Variants in PRKG1 observed in about 807,000 individuals in gnomAD.
PRKG1 encodes the protein protein kinase cGMP-dependent 1.
A neutral mutation model predicts 88.1 loss-of-function variants in PRKG1; 35 were observed. The observed-to-expected ratio is 0.40, with a 90% CI of 0.30 to 0.53. The LOEUF is 0.53. Among genes scored for constraint, PRKG1 ranks in the 20% least tolerant of loss-of-function variants. The probability of loss-of-function intolerance (pLI) is 0.59; values close to 1 mark genes in which losing one functional copy is unlikely to be tolerated. For missense variants in PRKG1, 540 were observed against 839.8 expected (o/e 0.64, Z 4.41); for synonymous variants, 303 against 292.5 (o/e 1.04, Z -0.37).
chr10:51,502,651 G>A (rs1471520943), intron 3 of PRKG1, among the ~76,000 whole-genome samples: 1 of 152,106 alleles, frequency 6.6e-6, no homozygotes, highest in Non-Finnish European at 1.5e-5. Context: ...TCTGTGAAAT[G>A]GGGATAATGA....
At chr10:51,327,330 T>C (rs1314174082) in intron 2 of PRKG1, among the ~76,000 whole-genome samples, 1 of 151,500 alleles carries the variant, frequency 6.6e-6, no homozygotes, top group Non-Finnish European at 1.5e-5. Context: ...GATAGGAGGA[T>C]TGCTTGAACT....
intron 3 of PRKG1, among the ~76,000 whole-genome samples, chr10:51,505,007 T>C (rs904732390): frequency 1.8e-4 from 28 of 152,206 alleles, no homozygotes; most frequent in Admixed American, 1.8e-3. Context: ...TCCAACACTA[T>C]GTTGAATAGG....
Position 51,858,220 on chromosome 10 carries a change from CAT to C in PRKG1, c.699-49279_699-49278del, listed in dbSNP as rs1262056850. 1.4e-4 allele frequency among the ~76,000 whole-genome samples: 2 copies of C among 14,228 alleles called. 1 individual carries two copies. The highest frequency in any genetic ancestry group is 1.5e-3 in the East Asian group (2 of 1,334). 9.3% of individuals were successfully genotyped at this position (14,228 alleles called of 152,430 possible). On this transcript the variant is annotated intron_variant, in intron 4 of 17. Transcript: ENST00000373980. ...ATATATTATATATATACATATTATA[CAT>C]ATATATAATATATATTATATATAAT...
chr10:52,232,888 T>C (rs142763024), intron 9 of PRKG1, among the ~76,000 whole-genome samples: 1 of 152,302 alleles, frequency 6.6e-6, no homozygotes, highest in East Asian at 1.9e-4. Context: ...TCCCTGTGAA[T>C]CTGCAAGTTC....
chr10:52,173,083 A>G (rs1838754522), intron 9 of PRKG1, among the ~76,000 whole-genome samples: 3 of 152,256 alleles, frequency 2.0e-5, no homozygotes, highest in Admixed American at 1.3e-4. Context: ...TTCTAAATTT[A>G]TAATGAGGAT....
At chr10:51,683,586 A>G (rs1840905878) in intron 3 of PRKG1, among the ~76,000 whole-genome samples, 1 of 152,144 alleles carries the variant, frequency 6.6e-6, no homozygotes, top group East Asian at 1.9e-4. Flanking sequence ...AGCATAGGGT[A>G]ATGAGATGTG....
intron 5 of PRKG1, among the ~76,000 whole-genome samples, chr10:51,976,236 A>C (rs748476049): frequency 5.3e-5 from 8 of 152,034 alleles, no homozygotes; most frequent in Non-Finnish European, 1.0e-4. Flanking sequence ...GATTTACCAT[A>C]TGACCCCATA....
At chr10:51,526,372 T>C (rs934041075) in intron 3 of PRKG1, among the ~76,000 whole-genome samples, 7 of 152,206 alleles carry the variant, frequency 4.6e-5, no homozygotes, top group East Asian at 3.8e-4. Context: ...AAAGTGATCA[T>C]GGTATTTGCC....
intron 3 of PRKG1, among the ~76,000 whole-genome samples, chr10:51,720,655 A>G (rs1178552376): frequency 6.6e-6 from 1 of 152,222 alleles, no homozygotes; most frequent in Non-Finnish European, 1.5e-5. Flanking sequence ...CAACTGGGAA[A>G]GCCAGGACAC....
At chr10:52,290,320 T>C (rs760086922) in intron 17 of PRKG1, 30 bp downstream of exon 17, 4 of 1,519,606 alleles carry the variant, frequency 2.6e-6, no homozygotes, top group South Asian at 2.3e-5. Context: ...TATAATTGTG[T>C]GACATAATTG....
At chr10:51,500,108 G>A (rs148464580) in intron 3 of PRKG1, among the ~76,000 whole-genome samples, 1 of 152,098 alleles carries the variant, frequency 6.6e-6, no homozygotes, top group Admixed American at 6.6e-5. Context: ...GTTCATGAAA[G>A]TGTTTTTTAT....
chr10:52,012,628 T>C (rs1844921757), intron 5 of PRKG1, among the ~76,000 whole-genome samples: 1 of 152,026 alleles, frequency 6.6e-6, no homozygotes, highest in South Asian at 2.1e-4. Flanking sequence ...CTCAAGTGAT[T>C]TACCCACCTC....
At chr10:51,415,726 G>A (rs1026924858) in intron 2 of PRKG1, among the ~76,000 whole-genome samples, 4 of 152,096 alleles carry the variant, frequency 2.6e-5, no homozygotes, top group Admixed American at 6.6e-5. Flanking sequence ...AATCCTTCCC[G>A]ACACAAGCTA....
chr10:52,008,287 C>A (rs1354407685), intron 5 of PRKG1, among the ~76,000 whole-genome samples: 1 of 152,026 alleles, frequency 6.6e-6, no homozygotes, highest in African/African-American at 2.4e-5. Context: ...CAGAGCTGAA[C>A]TGAAGGAAAT....
At chr10:51,766,526 A>G (rs376142523) in intron 3 of PRKG1, among the ~76,000 whole-genome samples, 14 of 152,086 alleles carry the variant, frequency 9.2e-5, no homozygotes, top group African/African-American at 2.9e-4. Context: ...CTGTGCCTGC[A>G]GTTTAATTTT....
At chr10:51,828,130 A>G (rs1433015627) in intron 4 of PRKG1, among the ~76,000 whole-genome samples, 1 of 152,174 alleles carries the variant, frequency 6.6e-6, no homozygotes, top group Admixed American at 6.6e-5. Context: ...GAGCAAAAGT[A>G]ATTGGTGCAA....
Position 52,076,554 on chromosome 10 carries a change from CAGA to C in PRKG1, c.935+13932_935+13934del, listed in dbSNP as rs1373262506. The stretch of plus-strand genomic sequence containing the variant: ...CCTGGGCAACAGAGCAAGACTCTGT[CAGA>C]AGAAGAAGGAGAAGGAGAAGGAGAA... On this transcript the variant is annotated intron_variant, in intron 7 of 17. Transcript: ENST00000373980. Among the ~76,000 whole-genome samples the C allele has an allele frequency of 2.6e-5, 4 of 152,226 alleles. No homozygotes were observed. In the South Asian group the frequency reaches 8.3e-4, roughly 32 times the overall value.
intron 9 of PRKG1, among the ~76,000 whole-genome samples, chr10:52,183,442 C>CA (rs1365082154): frequency 6.6e-6 from 1 of 152,206 alleles, no homozygotes; most frequent in Non-Finnish European, 1.5e-5. Flanking sequence ...AGGGCCACAG[C>CA]ATTTTGGCTG....
At chr10:51,660,507 C>T (rs2132329688) in intron 3 of PRKG1, among the ~76,000 whole-genome samples, 1 of 152,106 alleles carries the variant, frequency 6.6e-6, no homozygotes, top group African/African-American at 2.4e-5. Flanking sequence ...AGGACAGCAT[C>T]CTAGCAGTAT....
Sources: gnomAD v4.1 joint callset for allele counts (sites outside exome capture counted in the v4.1 genomes callset) on GRCh38, gnomAD v4.1.1 for gene constraint, MANE v1.5 for transcripts, NCBI Gene and HGNC (gene_info 2026-07-23, HGNC 2026-07-21) for gene names.